MYBPC1: variants seen among roughly 807,000 people sequenced by gnomAD.
MYBPC1 encodes myosin-binding protein C, slow-type.
In MYBPC1, 52 loss-of-function variants were observed where a neutral mutation model predicts 147.1. The ratio of observed to expected loss-of-function variants is 0.35; its 90% confidence interval spans 0.28 to 0.45. The LOEUF (loss-of-function observed/expected upper bound fraction) is 0.45. Ranked by LOEUF, MYBPC1 falls within the 20% of genes least tolerant of loss-of-function variation. The probability of loss-of-function intolerance (pLI) is 1.00; values close to 1 mark genes in which losing one functional copy is unlikely to be tolerated. For synonymous variants in MYBPC1, 477 were observed against 475.9 expected (o/e 1.00, Z -0.03); for missense variants, 1,228 against 1,440.3 (o/e 0.85, Z 2.39).
At chr12:101,611,892 C>A (rs1884415907) in intron 1 of MYBPC1, among the ~76,000 whole-genome samples, 1 of 152,014 alleles carries the variant, frequency 6.6e-6, no homozygotes, top group South Asian at 2.1e-4. Flanking sequence ...TCCTGGCCAA[C>A]ATGGTGAAAC....
At chr12:101,681,592 ATTTTTTTTTTTTTTTT>A (rs869224775) in intron 29 of MYBPC1, among the ~76,000 whole-genome samples, 1 of 13,550 alleles carries the variant, frequency 7.4e-5, no homozygotes, top group Non-Finnish European at 1.2e-4. Flanking sequence ...ATATATATAT[ATTTTTTTTTTTTTTTT>A]TTTTTTTTTT....
intron 20 of MYBPC1, among the ~76,000 whole-genome samples, chr12:101,661,689 GA>G (rs1277027154): frequency 1.3e-5 from 2 of 151,930 alleles, no homozygotes; most frequent in African/African-American, 4.8e-5. Context: ...AGGAATTCGA[GA>G]CCAGTCTGGC....
At chr12:101,663,655 C>A in intron 22 of MYBPC1, 95 bp downstream of exon 22, 22 of 1,373,958 alleles carry the variant, frequency 1.6e-5, no homozygotes, top group Non-Finnish European at 2.2e-5. Flanking sequence ...GAACGCATCA[C>A]CTTCCTACGA....
intron 11 of MYBPC1, among the ~76,000 whole-genome samples, chr12:101,642,906 T>C (rs1892365265): frequency 6.6e-6 from 1 of 152,186 alleles, no homozygotes; most frequent in African/African-American, 2.4e-5. Context: ...CAGAGTGGAC[T>C]CTTTCACCAT....
intron 4 of MYBPC1, among the ~76,000 whole-genome samples, chr12:101,627,496 G>A (rs531790973): frequency 1.2e-4 from 18 of 152,228 alleles, no homozygotes; most frequent in Non-Finnish European, 1.6e-4. Flanking sequence ...ACCCACTTTG[G>A]CCTCCCAAAG....
At chr12:101,612,535 G>T (rs756214545) in intron 1 of MYBPC1, among the ~76,000 whole-genome samples, 18 of 152,228 alleles carry the variant, frequency 1.2e-4, no homozygotes, top group Non-Finnish European at 2.1e-4. Context: ...AACCTGGGGA[G>T]TGTAGACCTA....
chr12:101,605,333 T>C (rs1046906534), intron 1 of MYBPC1, among the ~76,000 whole-genome samples: 1 of 152,274 alleles, frequency 6.6e-6, no homozygotes, highest in African/African-American at 2.4e-5. Flanking sequence ...ATGATATATA[T>C]GACCTGAGTT....
At chr12:101,615,660 C>A in intron 2 of MYBPC1, among the ~76,000 whole-genome samples, 1 of 52,540 alleles carries the variant, frequency 1.9e-5, no homozygotes, top group Non-Finnish European at 3.2e-5. Flanking sequence ...TAAGAACCCC[C>A]CGCCCCCCCC....
downstream of MYBPC1, among the ~76,000 whole-genome samples, chr12:101,688,998 C>T (rs1371597004): frequency 6.6e-6 from 1 of 150,586 alleles, no homozygotes; most frequent in Admixed American, 6.6e-5. Flanking sequence ...GTACTTCGTG[C>T]CTTCAAGTAA....
intron 1 of MYBPC1, 66 bp from the exon 2 acceptor site, chr12:101,614,430 C>A (rs1301821788): frequency 2.1e-5 from 33 of 1,580,678 alleles, no homozygotes; most frequent in Non-Finnish European, 2.9e-5. Context: ...CTGCCTGGGG[C>A]TGTAGAAAGC....
chr12:101,654,883 T>C (rs1028364348), intron 18 of MYBPC1, among the ~76,000 whole-genome samples: 3 of 152,150 alleles, frequency 2.0e-5, no homozygotes, highest in Non-Finnish European at 4.4e-5. Context: ...ACCCACCTAA[T>C]AAGTCATAAA....
At chr12:101,613,237 A>G (rs1036278480) in intron 1 of MYBPC1, among the ~76,000 whole-genome samples, 5 of 152,178 alleles carry the variant, frequency 3.3e-5, no homozygotes, top group African/African-American at 1.2e-4. Context: ...TCATTTTTCT[A>G]TGCTCATTCC....
rs1174921787 is a variant in MYBPC1, at chr12:101,673,507, G to C, written c.2694G>C (p.Glu898Asp). Residue 898 changes from glutamate (E) to aspartate (D), a missense_variant, in exon 25 of 32, where the codon GAG (glutamate) becomes GAC (aspartate). Glu to Asp is a conservative substitution (Grantham distance 45, BLOSUM62 2). This residue lies in a region of MYBPC1 where 1,077 missense variants were observed against 1,314.2 expected (regional missense o/e 0.82). Transcript: ENST00000361466. ...ATCAAATAAACATTCGCAACTCTGA[G>C]ACTGATACAATCATATTTATTAGAA... is the stretch of plus-strand genomic sequence containing the variant. Reference protein sequence around the residue: ...DKNQINIRNSETDTIIFIRKA... With the variant: ...DKNQINIRNSDTDTIIFIRKA... 3 of 1,614,104 alleles carry C rather than the reference G, an allele frequency of 1.9e-6. No homozygotes were observed. The highest frequency in any genetic ancestry group is 2.5e-6 in the Non-Finnish European group (3 of 1,179,998).
chr12:101,663,048 A>G (rs6539005), intron 21 of MYBPC1, among the ~76,000 whole-genome samples: 101,947 of 151,876 alleles, frequency 0.67, 35,158 homozygotes, highest in Admixed American at 0.8. Context: ...TATCTCCATT[A>G]TTTTATGGCA....
At chr12:101,652,921 A>C in intron 17 of MYBPC1, 137 bp downstream of exon 17, 2 of 1,061,970 alleles carry the variant, frequency 1.9e-6, no homozygotes, top group Non-Finnish European at 2.8e-6. Context: ...CCAATCAGAA[A>C]GATTGGTGAC....
At chr12:101,596,194 T>C (rs1489573574) in intron 1 of MYBPC1, among the ~76,000 whole-genome samples, 1 of 152,246 alleles carries the variant, frequency 6.6e-6, no homozygotes, top group African/African-American at 2.4e-5. Flanking sequence ...CTTTTAAACA[T>C]ATTTTCTTTA....
chr12:101,623,030 T>G (rs1887791553), intron 3 of MYBPC1, among the ~76,000 whole-genome samples: 2 of 152,112 alleles, frequency 1.3e-5, no homozygotes, highest in South Asian at 4.1e-4. Flanking sequence ...ACCTATCAAA[T>G]TTTTGCTTAA....
chr12:101,612,472 G>A (rs1488761753), intron 1 of MYBPC1, among the ~76,000 whole-genome samples: 2 of 152,310 alleles, frequency 1.3e-5, no homozygotes, highest in African/African-American at 2.4e-5. Context: ...CCACTGAGAC[G>A]TAGTAAGAGA....
In MYBPC1 at chr12:101,597,213, A is replaced by C. The variant is rs191799964; in HGVS notation, c.25+2118A>C. 1.6e-3 allele frequency among the ~76,000 whole-genome samples: 241 copies of C among 152,324 alleles called. 1 individual carries two copies. Among genetic ancestry groups the C allele is most frequent in the African/African-American group, 5.6e-3 (232 of 41,578 alleles). On this transcript the variant is annotated intron_variant, in intron 1 of 31. Coordinates refer to ENST00000361466, the MANE Select transcript of MYBPC1 (RefSeq NM_002465.4). ...CATATAAGCCTCCCTCTGAAAAATA[A>C]AACATGGCCTAGAGCCAGTTCTTCA...
Sources: allele counts gnomAD v4.1 joint callset (sites outside exome capture counted in the v4.1 genomes callset), GRCh38; gene constraint gnomAD v4.1.1; regional missense constraint gnomAD v4.1.1; transcripts MANE v1.5; gene names NCBI Gene and HGNC (gene_info 2026-07-23, HGNC 2026-07-21).